Variants in GALNTL6 observed in about 807,000 individuals in gnomAD.
GALNTL6 encodes the protein polypeptide N-acetylgalactosaminyltransferase like 6.
GALNTL6 carries 46 observed loss-of-function variants against 73.7 expected under a neutral mutation model. The ratio of observed to expected loss-of-function variants is 0.62; its 90% CI spans 0.49 to 0.80. The LOEUF (loss-of-function observed/expected upper bound fraction) is 0.80. GALNTL6 is among the 30% of genes least tolerant of loss of function. The pLI is 0.00. For missense variants in GALNTL6, 604 were observed against 755.0 expected (o/e 0.80, Z 2.34); for synonymous variants, 259 against 263.7 (o/e 0.98, Z 0.17).
intron 10 of GALNTL6, among the ~76,000 whole-genome samples, chr4:172,966,125 A>C (rs1750313858): frequency 6.6e-6 from 1 of 152,248 alleles, no homozygotes; most frequent in South Asian, 2.1e-4. Context: ...TCTAATCCAC[A>C]GCCTTAGAAA....
intron 2 of GALNTL6, chr4:172,052,547 C>A: frequency 6.6e-7 from 1 of 1,512,964 alleles, no homozygotes; most frequent in Non-Finnish European, 8.9e-7. Flanking sequence ...CGGTAAAAAG[C>A]AAACGGCTGC....
At chr4:172,203,686 G>A (rs999816414) in intron 2 of GALNTL6, among the ~76,000 whole-genome samples, 3 of 152,062 alleles carry the variant, frequency 2.0e-5, no homozygotes, top group African/African-American at 7.2e-5. Flanking sequence ...TAAAATTCAT[G>A]ATATTTTCCT....
At chr4:172,532,844 A>T (rs1735210284) in intron 5 of GALNTL6, among the ~76,000 whole-genome samples, 1 of 152,150 alleles carries the variant, frequency 6.6e-6, no homozygotes, top group Non-Finnish European at 1.5e-5. Context: ...AGATAAGTTG[A>T]ACTCTTAACG....
chr4:172,002,183 T>C (rs1227309160), intron 2 of GALNTL6, among the ~76,000 whole-genome samples: 1 of 152,194 alleles, frequency 6.6e-6, no homozygotes, highest in Admixed American at 6.6e-5. Flanking sequence ...AAGAGTGCCA[T>C]GGATTGAATT....
intron 12 of GALNTL6, among the ~76,000 whole-genome samples, chr4:173,031,136 G>C: frequency 6.6e-6 from 1 of 152,132 alleles, no homozygotes; most frequent in East Asian, 1.9e-4. Flanking sequence ...ATGAATTTCT[G>C]TTTCTTCATT....
chr4:172,169,612 A>G (rs1275194583), intron 2 of GALNTL6, among the ~76,000 whole-genome samples: 1 of 152,180 alleles, frequency 6.6e-6, no homozygotes, highest in African/African-American at 2.4e-5. Flanking sequence ...AAGATACCTA[A>G]GCAGATATTA....
At chr4:172,743,787 C>A (rs1736939446) in intron 5 of GALNTL6, among the ~76,000 whole-genome samples, 1 of 152,118 alleles carries the variant, frequency 6.6e-6, no homozygotes, top group Middle Eastern at 3.4e-3. Flanking sequence ...AAAGTATTTG[C>A]CAGATAAATA....
chr4:172,097,494 G>A (rs1560921944), intron 2 of GALNTL6, among the ~76,000 whole-genome samples: 1 of 152,072 alleles, frequency 6.6e-6, no homozygotes, highest in Non-Finnish European at 1.5e-5. Context: ...TGATAAAATG[G>A]AACAGATTCA....
intron 3 of GALNTL6, among the ~76,000 whole-genome samples, chr4:172,302,802 T>C (rs975522933): frequency 6.6e-6 from 1 of 152,074 alleles, no homozygotes; most frequent in East Asian, 1.9e-4. Flanking sequence ...TTGTTAATCT[T>C]GGTAACTTTT....
intron 5 of GALNTL6, among the ~76,000 whole-genome samples, chr4:172,728,583 T>C (rs1473958446): frequency 6.6e-6 from 1 of 152,216 alleles, no homozygotes; most frequent in African/African-American, 2.4e-5. Context: ...CATCTACTGA[T>C]GGGCACTTAG....
At chr4:172,728,239 A>G (rs556760447) in intron 5 of GALNTL6, among the ~76,000 whole-genome samples, 10 of 152,260 alleles carry the variant, frequency 6.6e-5, no homozygotes, top group African/African-American at 2.4e-4. Context: ...GGTAATAAAT[A>G]CATTTATATC....
At chr4:172,221,686 C>G (rs1025230546) in intron 2 of GALNTL6, among the ~76,000 whole-genome samples, 2 of 151,678 alleles carry the variant, frequency 1.3e-5, no homozygotes, top group East Asian at 3.9e-4. Flanking sequence ...AGGTATGCAG[C>G]TGCATAGCAA....
chr4:172,090,818 A>G (rs1344459607), intron 2 of GALNTL6, among the ~76,000 whole-genome samples: 3 of 152,058 alleles, frequency 2.0e-5, no homozygotes, highest in Non-Finnish European at 4.4e-5. Flanking sequence ...TAGGGTTTTT[A>G]TGGTTTTAGG....
At chr4:171,822,201 G>A (rs917257568) in intron 2 of GALNTL6, among the ~76,000 whole-genome samples, 1 of 152,144 alleles carries the variant, frequency 6.6e-6, no homozygotes, top group African/African-American at 2.4e-5. Context: ...AAGTTAAAAA[G>A]TAGAATAAAA....
At chr4:172,077,418 T>TA (rs1315246072) in intron 2 of GALNTL6, among the ~76,000 whole-genome samples, 2 of 152,020 alleles carry the variant, frequency 1.3e-5, no homozygotes, top group African/African-American at 4.8e-5. Flanking sequence ...ATGAGGAACT[T>TA]ACTGGGAACA....
intron 5 of GALNTL6, among the ~76,000 whole-genome samples, chr4:172,357,741 T>C (rs868078635): frequency 6.6e-6 from 1 of 151,838 alleles, no homozygotes; most frequent in African/African-American, 2.4e-5. Context: ...ACTGCAATAT[T>C]GTAGTTCTGT....
chr4:171,963,831 G>T (rs1303895190), intron 2 of GALNTL6, among the ~76,000 whole-genome samples: 1 of 152,150 alleles, frequency 6.6e-6, no homozygotes, highest in Non-Finnish European at 1.5e-5. Context: ...TTATCCGTGG[G>T]TTTCTTATAT....
chr4:172,517,384 A>G (rs1734644600), intron 5 of GALNTL6, among the ~76,000 whole-genome samples: 1 of 152,086 alleles, frequency 6.6e-6, no homozygotes, highest in South Asian at 2.1e-4. Flanking sequence ...CTAAGATTTT[A>G]ATCTCTTAGG....
At chr4:172,257,587 G>A (rs1324870832) in intron 3 of GALNTL6, among the ~76,000 whole-genome samples, 1 of 151,352 alleles carries the variant, frequency 6.6e-6, no homozygotes, top group Non-Finnish European at 1.5e-5. Context: ...TATTTATTGA[G>A]TAGGTTTGTA....
Sources: gnomAD v4.1 joint callset for allele counts (sites outside exome capture counted in the v4.1 genomes callset) on GRCh38, gnomAD v4.1.1 for gene constraint, MANE v1.5 for transcripts, NCBI Gene and HGNC (gene_info 2026-07-23, HGNC 2026-07-21) for gene names.